COL22A1: variants seen among roughly 807,000 people sequenced by gnomAD.
COL22A1 encodes collagen type XXII alpha 1 chain.
COL22A1 carries 221 observed loss-of-function variants against 248.9 expected under a neutral mutation model. The observed-to-expected ratio is 0.89, with a 90% CI of 0.80 to 0.99. COL22A1 has a LOEUF of 0.99. COL22A1 is among the 50% of genes least tolerant of loss of function. The pLI is 0.00. For synonymous variants in COL22A1, 891 were observed against 793.4 expected (o/e 1.12, Z -2.07); for missense variants, 2,240 against 2,179.0 (o/e 1.03, Z -0.56).
chr8:138,663,660 A>T (rs945017988), intron 42 of COL22A1, 45 bp downstream of exon 42: 3 of 1,435,480 alleles, frequency 2.1e-6, no homozygotes, highest in Non-Finnish European at 2.0e-6. Context: ...TTCGAGCAGG[A>T]TTCCTCCCAT....
chr8:138,830,855 G>A (rs750874381), intron 5 of COL22A1, among the ~76,000 whole-genome samples: 4 of 152,206 alleles, frequency 2.6e-5, no homozygotes, highest in Non-Finnish European at 5.9e-5. Context: ...GAGGGGGAGT[G>A]AAGGAGGAAA....
At chr8:138,805,970 TAGTG>T (rs1441467991) in intron 10 of COL22A1, among the ~76,000 whole-genome samples, 3 of 122,496 alleles carry the variant, frequency 2.4e-5, no homozygotes, top group East Asian at 3.0e-4. Context: ...GTATGTGTGA[TAGTG>T]TGTGTGATTG....
In COL22A1 at chr8:138,877,734, G is replaced by A. The variant is rs1315645079; in HGVS notation, c.658+16C>T. On this transcript the variant is annotated intron_variant, in intron 3 of 64. Transcript: ENST00000303045. ...TCACTCTTGGGAGGGGCCGCATGGGGCCCGGGCGCACTCACTTTCACAAAG... is the reference window on the plus strand; with the variant it reads ...TCACTCTTGGGAGGGGCCGCATGGGACCCGGGCGCACTCACTTTCACAAAG... The A allele has an allele frequency of 3.2e-6, 5 of 1,559,064 alleles. No homozygotes were observed. Among genetic ancestry groups the A allele is most frequent in the Non-Finnish European group, 4.3e-6 (5 of 1,150,272 alleles).
At chr8:138,709,209 C>T (rs1828740290) in intron 30 of COL22A1, among the ~76,000 whole-genome samples, 1 of 152,186 alleles carries the variant, frequency 6.6e-6, no homozygotes, top group Non-Finnish European at 1.5e-5. Context: ...ACTAGTTCAA[C>T]CATTGTGGAA....
chr8:138,814,743 A>G (rs1025265454), intron 7 of COL22A1, among the ~76,000 whole-genome samples: 7 of 152,142 alleles, frequency 4.6e-5, no homozygotes, highest in Non-Finnish European at 8.8e-5. Context: ...TTCCTCATCC[A>G]TGGAATCTAT....
rs1702248815 is a variant in COL22A1, at chr8:138,883,289, G to A, written c.-72-45C>T. ...CTTAGAGAAGGCTCTCAAGCTGAAAGTCTGTGAGAGGCAAACTCTGGGCCC... is the reference window on the plus strand; with the variant it reads ...CTTAGAGAAGGCTCTCAAGCTGAAAATCTGTGAGAGGCAAACTCTGGGCCC... On this transcript the variant is annotated intron_variant, in intron 1 of 64. Coordinates refer to ENST00000303045, the MANE Select transcript of COL22A1 (RefSeq NM_152888.3). 3 of 1,066,848 alleles carry A rather than the reference G, an allele frequency of 2.8e-6. No individual in the cohort carries two copies. In the Admixed American group the frequency reaches 7.2e-5, roughly 26 times the overall value. 66.1% of individuals were successfully genotyped at this position (1,066,848 alleles called of 1,614,324 possible). A position where few individuals can be genotyped will look rare whatever the true frequency, so the allele number is the denominator to read the frequency against.
intron 4 of COL22A1, among the ~76,000 whole-genome samples, chr8:138,834,877 G>A (rs972493337): frequency 2.6e-5 from 4 of 152,156 alleles, no homozygotes; most frequent in Non-Finnish European, 5.9e-5. Flanking sequence ...GAGCTCCAGG[G>A]TTGGAGCAGG....
intron 32 of COL22A1, among the ~76,000 whole-genome samples, chr8:138,696,690 G>T (rs62527939): frequency 6.6e-6 from 1 of 152,128 alleles, no homozygotes; most frequent in South Asian, 2.1e-4. Flanking sequence ...GGTCTACCTC[G>T]TACAGCTGTG....
chr8:138,613,146 G>T (rs1387945401), intron 56 of COL22A1, among the ~76,000 whole-genome samples: 2 of 151,878 alleles, frequency 1.3e-5, no homozygotes, highest in Non-Finnish European at 2.9e-5. Flanking sequence ...TACTCGGGAG[G>T]CTGAGGCAGG....
At position 138,865,971 on chromosome 8, in the gene COL22A1, A is replaced by G. The variant is rs569462812; in HGVS notation, c.658+11779T>C. ...TGTTTGTATGCCTGTGTGTGAGTAT[A>G]TGTGTGTGTGTGTTTGTATGCCTGT... On this transcript the variant is annotated intron_variant, in intron 3 of 64. Transcript: ENST00000303045. 7.3e-5 allele frequency among the ~76,000 whole-genome samples: 11 copies of G among 150,448 alleles called. No individual in the cohort carries two copies. The South Asian group carries it at 1.0e-3, about 14-fold the overall frequency.
chr8:138,778,234 G>A, intron 15 of COL22A1, 119 bp downstream of exon 15: 2 of 1,033,646 alleles, frequency 1.9e-6, no homozygotes, highest in Non-Finnish European at 3.0e-6. Context: ...CACTTCATTG[G>A]CATCAGTAAG....
In COL22A1 at chr8:138,676,630, A is replaced by G. The variant is rs1825578242; in HGVS notation, c.3078T>C (p.Asp1026=). ...AACCAGGGATCCCAGGAGCTCCTCG[A>G]TCCCCCTAGAAAGAGAGAAAAATAA... is the stretch of plus-strand genomic sequence containing the variant. ...CALGGQCVKG[D]RGAPGIPGSP... is the part of the protein sequence containing the mutation. Residue 1026 remains aspartate (D), a synonymous_variant, in exon 41 of 65, where the codon GAT becomes GAC. Coordinates refer to ENST00000303045, the MANE Select transcript of COL22A1 (RefSeq NM_152888.3). 2 of 1,561,240 alleles carry G rather than the reference A, an allele frequency of 1.3e-6. No homozygotes were observed. The highest frequency in any genetic ancestry group is 1.7e-6 in the Non-Finnish European group (2 of 1,151,546).
Position 138,715,733 on chromosome 8 carries a change from T to C in COL22A1, c.2466A>G (p.Gly822=). ...CTGGAAGTCCCAGTTCACCTTTTTC[T>C]CCCTATAATAAAAGATAAAATTAGA... ...PGVRGEKGDQ[G]EKGELGLPGL... The change falls in exon 30 of 65, where the codon GGA becomes GGG. Residue 822 remains glycine, a splice_region_variant and synonymous_variant. Coordinates refer to ENST00000303045, the MANE Select transcript of COL22A1 (RefSeq NM_152888.3). 1 of 1,609,530 alleles carries C rather than the reference T, an allele frequency of 6.2e-7. No homozygotes were observed. Among genetic ancestry groups the C allele is most frequent in the Middle Eastern group, 1.7e-4 (1 of 6,044 alleles).
At chr8:138,882,445 C>T (rs11995637) in intron 2 of COL22A1, among the ~76,000 whole-genome samples, 93,105 of 145,452 alleles carry the variant, frequency 0.64, 31,274 homozygotes, top group East Asian at 0.87. Flanking sequence ...TCCTCAAACT[C>T]CCTCACACTC....
chr8:138,775,713 T>C (rs1041131086), intron 16 of COL22A1, among the ~76,000 whole-genome samples: 1 of 152,164 alleles, frequency 6.6e-6, no homozygotes, highest in African/African-American at 2.4e-5. Flanking sequence ...AGGATGACAA[T>C]ACCTGCAGGT....
At chr8:138,691,628 G>A (rs1053292473) in intron 35 of COL22A1, among the ~76,000 whole-genome samples, 3 of 146,072 alleles carry the variant, frequency 2.1e-5, no homozygotes, top group African/African-American at 7.7e-5. Flanking sequence ...CGTTTGTGGA[G>A]GTGTATGTGT....
At chr8:138,737,422 A>G in intron 23 of COL22A1, 102 bp downstream of exon 23, 1 of 815,740 alleles carries the variant, frequency 1.2e-6, no homozygotes, top group South Asian at 1.4e-5. Context: ...TGATGAGGTG[A>G]CCAGCAGGAT....
intron 11 of COL22A1, among the ~76,000 whole-genome samples, chr8:138,802,307 C>T (rs1477525344): frequency 6.6e-6 from 1 of 151,960 alleles, no homozygotes; most frequent in Non-Finnish European, 1.5e-5. Flanking sequence ...TTCATGAATA[C>T]AATTCATGCT....
At chr8:138,690,774 C>A (rs775071251) in intron 36 of COL22A1, 47 bp downstream of exon 36, 1 of 1,512,804 alleles carries the variant, frequency 6.6e-7, no homozygotes, top group Admixed American at 1.8e-5. Context: ...GATACATTAA[C>A]TAGCTTGGTG....
Sources: allele counts gnomAD v4.1 joint callset (sites outside exome capture counted in the v4.1 genomes callset), GRCh38; gene constraint gnomAD v4.1.1; transcripts MANE v1.5; gene names NCBI Gene and HGNC (gene_info 2026-07-23, HGNC 2026-07-21).